The following PXDNL variants were observed in gnomAD, a reference collection of about 807,000 sequenced individuals.
PXDNL encodes the protein probable oxidoreductase PXDNL.
Under a neutral mutation model 150.8 loss-of-function variants are expected in PXDNL, and 145 were observed. The observed-to-expected ratio is 0.96, with a 90% CI of 0.84 to 1.10. The LOEUF is 1.10. Ranked by LOEUF, PXDNL falls within the 50% of genes least tolerant of loss-of-function variation. PXDNL has a pLI of 0.00. For missense variants in PXDNL, 2,087 were observed against 1,873.9 expected (o/e 1.11, Z -2.10); for synonymous variants, 757 against 725.7 (o/e 1.04, Z -0.69).
At chr8:51,612,587 C>A (rs1814034980) in intron 2 of PXDNL, among the ~76,000 whole-genome samples, 1 of 152,036 alleles carries the variant, frequency 6.6e-6, no homozygotes, top group Admixed American at 6.5e-5. Context: ...GAAGTGGGAC[C>A]TTTGAGAGGT....
intron 2 of PXDNL, among the ~76,000 whole-genome samples, chr8:51,602,199 G>T (rs1310145134): frequency 6.6e-6 from 1 of 151,612 alleles, no homozygotes; most frequent in Admixed American, 6.6e-5. Context: ...GTGTGCTCTA[G>T]ATTTTTTGTA....
chr8:51,343,664 A>G (rs1806057558), intron 20 of PXDNL, among the ~76,000 whole-genome samples: 1 of 152,190 alleles, frequency 6.6e-6, no homozygotes, highest in South Asian at 2.1e-4. Context: ...GACAGAAGGT[A>G]GTAATGGGTG....
intron 1 of PXDNL, among the ~76,000 whole-genome samples, chr8:51,744,862 A>G (rs1235478287): frequency 6.7e-6 from 1 of 150,278 alleles, no homozygotes; most frequent in Non-Finnish European, 1.5e-5. Flanking sequence ...AGAAGGAAAG[A>G]GAAAGAAAAG....
chr8:51,599,073 G>T lies in PXDNL; in HGVS notation c.237-6375C>A, dbSNP rs148697394. ...GATCTTTTGTATATCTGTAGGATTG[G>T]TTGTAATATCTCCTTTGTTATTTCT... On this transcript the variant is annotated intron_variant, in intron 2 of 22. Transcript: ENST00000356297. 2.7e-3 allele frequency among the ~76,000 whole-genome samples: 411 copies of T among 152,190 alleles called. 1 individual carries two copies. The highest frequency in any genetic ancestry group is 6.8e-3 in the Middle Eastern group (2 of 294).
chr8:51,769,019 G>A (rs149038730), intron 1 of PXDNL, among the ~76,000 whole-genome samples: 9,249 of 152,288 alleles, frequency 0.061, 380 homozygotes, highest in Non-Finnish European at 0.087. Context: ...GGAGAATGGC[G>A]TGAACCCGGG....
chr8:51,575,146 G>A (rs1033500691), intron 3 of PXDNL, among the ~76,000 whole-genome samples: 1 of 151,998 alleles, frequency 6.6e-6, no homozygotes, highest in Admixed American at 6.6e-5. Flanking sequence ...AGGGACTTAA[G>A]AGGAGGAAAG....
At position 51,483,389 on chromosome 8, in the gene PXDNL, T is replaced by C. The variant is rs114107601; in HGVS notation, c.524+254A>G. Among the ~76,000 whole-genome samples, 266 of 152,300 alleles carry C rather than the reference T, an allele frequency of 1.7e-3. 1 individual carries two copies. The highest frequency in any genetic ancestry group is 6.2e-3 in the African/African-American group (258 of 41,564). On this transcript the variant is annotated intron_variant, in intron 6 of 22. Coordinates refer to ENST00000356297, the MANE Select transcript of PXDNL (RefSeq NM_144651.5). Reference sequence around the variant, plus strand: ...CCTTTAGATTTAGCCAGCAAGGATATTACAGAGAAACGAGGAAAACGTCTA... The same window carrying C: ...CCTTTAGATTTAGCCAGCAAGGATACTACAGAGAAACGAGGAAAACGTCTA...
intron 1 of PXDNL, among the ~76,000 whole-genome samples, chr8:51,699,395 C>T (rs914267199): frequency 6.6e-6 from 1 of 152,174 alleles, no homozygotes; most frequent in Non-Finnish European, 1.5e-5. Context: ...CTCAAATCTC[C>T]CAGCCTTCAT....
In PXDNL at chr8:51,578,765, T is replaced by C. The variant is rs150338744; in HGVS notation, c.308+13862A>G. Reference sequence around the variant, plus strand: ...ATTATTTGGCAAAGGGGTAAGCATATAGGTAAATGTAATAAAATAGAGAGC... The same window carrying C: ...ATTATTTGGCAAAGGGGTAAGCATACAGGTAAATGTAATAAAATAGAGAGC... On this transcript the variant is annotated intron_variant, in intron 3 of 22. Coordinates refer to ENST00000356297, the MANE Select transcript of PXDNL (RefSeq NM_144651.5). Among the ~76,000 whole-genome samples, 941 of 151,980 alleles carry C rather than the reference T, an allele frequency of 6.2e-3. 3 individuals are homozygous for C. The highest frequency in any genetic ancestry group is 0.022 in the African/African-American group (894 of 41,506).
chr8:51,422,478 T>A (rs1403318265), intron 14 of PXDNL, among the ~76,000 whole-genome samples: 1 of 152,222 alleles, frequency 6.6e-6, no homozygotes, highest in Non-Finnish European at 1.5e-5. Context: ...TGGCAAATCT[T>A]TATAAATATG....
intron 2 of PXDNL, among the ~76,000 whole-genome samples, chr8:51,652,821 A>C (rs1469599713): frequency 6.6e-6 from 1 of 152,246 alleles, no homozygotes; most frequent in African/African-American, 2.4e-5. Flanking sequence ...CTAATAAAAA[A>C]TATTTAGAAA....
intron 4 of PXDNL, among the ~76,000 whole-genome samples, chr8:51,551,433 G>A (rs1253143901): frequency 1.3e-5 from 2 of 152,058 alleles, no homozygotes; most frequent in Non-Finnish European, 2.9e-5. Context: ...ATACTACAAG[G>A]CTATAAATAC....
At chr8:51,752,248 G>C (rs143631640) in intron 1 of PXDNL, among the ~76,000 whole-genome samples, 1,558 of 152,234 alleles carry the variant, frequency 0.01, 26 homozygotes, top group African/African-American at 0.034. Context: ...GTTAAATCAC[G>C]GAGGTTTGGG....
intron 17 of PXDNL, among the ~76,000 whole-genome samples, chr8:51,392,059 C>T (rs1427348531): frequency 5.3e-5 from 8 of 152,166 alleles, no homozygotes; most frequent in South Asian, 2.1e-4. Flanking sequence ...AGATATGTGA[C>T]GTTATTTCTA....
chr8:51,486,792 ATATTTTTTTTTTTT>A (rs869263023), intron 5 of PXDNL, among the ~76,000 whole-genome samples: 260 of 23,452 alleles, frequency 0.011, no homozygotes, highest in Non-Finnish European at 0.014. Flanking sequence ...ATATATATAT[ATATTTTTTTTTTTT>A]TTTTTTTTTT....
At chr8:51,392,460 T>C (rs1382650416) in intron 17 of PXDNL, among the ~76,000 whole-genome samples, 5 of 152,320 alleles carry the variant, frequency 3.3e-5, no homozygotes, top group African/African-American at 1.2e-4. Flanking sequence ...TTCACGTCCC[T>C]TGTAAGTTGG....
intron 17 of PXDNL, among the ~76,000 whole-genome samples, chr8:51,377,396 T>C (rs985777422): frequency 1.3e-4 from 20 of 152,152 alleles, no homozygotes; most frequent in African/African-American, 4.8e-4. Context: ...TCAGCCTCAG[T>C]GGCCAGAGGC....
chr8:51,433,344 G>A (rs1409059997), intron 12 of PXDNL, among the ~76,000 whole-genome samples: 4 of 151,268 alleles, frequency 2.6e-5, no homozygotes, highest in African/African-American at 9.7e-5. Flanking sequence ...TTATTTCTAT[G>A]TTGCTAAGAT....
chr8:51,568,959 G>T (rs887598419), intron 3 of PXDNL, among the ~76,000 whole-genome samples: 5 of 151,738 alleles, frequency 3.3e-5, no homozygotes, highest in Non-Finnish European at 7.4e-5. Flanking sequence ...TTCTTTCCTA[G>T]AGTTTCTGTT....
Sources: gnomAD v4.1 joint callset for allele counts (sites outside exome capture counted in the v4.1 genomes callset) on GRCh38, gnomAD v4.1.1 for gene constraint, MANE v1.5 for transcripts, NCBI Gene and HGNC (gene_info 2026-07-23, HGNC 2026-07-21) for gene names.